Variants in GOLGA2 observed in about 807,000 individuals in gnomAD.
The protein encoded by GOLGA2 is golgin subfamily A member 2.
GOLGA2 carries 49 observed loss-of-function variants against 148.8 expected under a neutral mutation model. The ratio of observed to expected loss-of-function variants is 0.33; its 90% CI spans 0.26 to 0.42. GOLGA2 has a LOEUF of 0.42. Among genes scored for constraint, GOLGA2 ranks in the 10% least tolerant of loss-of-function variants. The probability of loss-of-function intolerance (pLI) is 1.00; values close to 1 mark genes in which losing one functional copy is unlikely to be tolerated. For missense variants in GOLGA2, 1,178 were observed against 1,304.6 expected, an observed-to-expected ratio of 0.90 and a Z score of 1.49; for synonymous variants, 501 against 511.8, an observed-to-expected ratio of 0.98 and a Z score of 0.28.
Position 128,261,938 on chromosome 9 carries a change from T to G in GOLGA2, c.1135-181A>C. 1.7e-6 allele frequency: 1 copy of G among 582,678 alleles called. No individual in the cohort carries two copies. Among genetic ancestry groups the G allele is most frequent in the South Asian group, 2.1e-5 (1 of 48,062 alleles). 36.1% of individuals were successfully genotyped at this position (582,678 alleles called of 1,614,324 possible). The stretch of plus-strand genomic sequence containing the variant: ...AAGATCTCAGGCCAGGCATGGTGGC[T>G]GATGCCTGTAATCTCAACACTTTGG... On this transcript the variant is annotated intron_variant, in intron 14 of 26. Transcript: ENST00000611957. The surrounding 1 kb of genome is among the most constrained non-coding windows in gnomAD (Gnocchi z 5.7).
Position 128,261,354 on chromosome 9 carries a change from C to T in GOLGA2, c.1333-95G>A, listed in dbSNP as rs1830262679. On this transcript the variant is annotated intron_variant, in intron 16 of 26. Transcript: ENST00000611957. The surrounding 1 kb of genome is among the most constrained non-coding windows in gnomAD (Gnocchi z 5.7). ...GCCCCCACCGCCACAAAGCCCAGAC[C>T]CATGACCACCTCTGGCTGTGCTCCT... The T allele has an allele frequency of 8.2e-7, 1 of 1,223,108 alleles. No individual in the cohort carries two copies. The highest frequency in any genetic ancestry group is 1.2e-5 in the South Asian group (1 of 83,180). The allele number at this position is 1,223,108 out of a possible 1,614,324, so 75.8% of individuals were successfully genotyped here.
intron 4 of GOLGA2, 82 bp downstream of exon 4, chr9:128,268,338 G>T: frequency 9.5e-7 from 1 of 1,050,596 alleles, no homozygotes; most frequent in Non-Finnish European, 1.5e-6. Flanking sequence ...CTTGACCCTA[G>T]GGAACAAGCT....
rs1467957692 is a variant in GOLGA2, at chr9:128,272,819, T to C, written c.254A>G (p.Asn85Ser). 6.2e-6 allele frequency: 8 copies of C among 1,281,534 alleles called. No individual in the cohort carries two copies. The highest frequency in any genetic ancestry group is 3.7e-5 in the South Asian group (3 of 80,616). 79.4% of individuals were successfully genotyped at this position (1,281,534 alleles called of 1,614,324 possible). A position where few individuals can be genotyped will look rare whatever the true frequency, so the allele number is the denominator to read the frequency against. ...GTCCAATGGGGGGAGCGCTACCCCA[T>C]TGGAACGGTTAAGGTCGGACACCAG... The part of the protein sequence containing the change: ...KVLVSDLNRS[N>S]GVALPPLDKW... The change falls in exon 3 of 27, where the codon AAT (asparagine) becomes AGT (serine). Residue 85 changes from asparagine (N) to serine (S), a missense_variant. By Grantham distance (46) the Asn-to-Ser change is conservative. This residue lies in a region of GOLGA2 where 158 missense variants were observed against 156.6 expected (regional missense o/e 1.01). Coordinates refer to ENST00000611957, the MANE Select transcript of GOLGA2 (RefSeq NM_001366244.2).
In GOLGA2 at chr9:128,268,411, G is replaced by A. The variant is rs1830730926; in HGVS notation, c.393+9C>T. On this transcript the variant is annotated intron_variant, in intron 4 of 26. Coordinates refer to ENST00000611957, the MANE Select transcript of GOLGA2 (RefSeq NM_001366244.2). ...GAGGGCAGTGGGCAGAGGGGGAGGA[G>A]GCACGAACCTGAGATGCCGCCATGC... 1.3e-6 allele frequency: 2 copies of A among 1,493,090 alleles called. No individual in the cohort carries two copies. Among genetic ancestry groups the A allele is most frequent in the Admixed American group, 3.3e-5 (2 of 59,842 alleles). The allele number at this position is 1,493,090 out of a possible 1,614,324, so 92.5% of individuals were successfully genotyped here.
chr9:128,257,286 GGA>G lies in GOLGA2; in HGVS notation c.2876-7_2876-6del. The G allele has an allele frequency of 3.1e-6, 5 of 1,612,698 alleles. No homozygotes were observed. Among genetic ancestry groups the G allele is most frequent in the East Asian group, 2.2e-5 (1 of 44,866 alleles). On this transcript the variant is annotated splice_polypyrimidine_tract_variant and splice_region_variant and intron_variant, in intron 26 of 26. Transcript: ENST00000611957. This position sits in a 1 kb window ranked among gnomAD's most constrained non-coding sequence, Gnocchi z 8.0. ...CGAGGCTCACCTCGCAAAGATCTTTGGAGAGAGAGAGGCAGGGCTCTGAGTGC... is the reference window on the plus strand; with the variant it reads ...CGAGGCTCACCTCGCAAAGATCTTTGGAGAGAGAGGCAGGGCTCTGAGTGC...
chr9:128,258,053 G>A lies in GOLGA2; in HGVS notation c.2435C>T (p.Ala812Val), dbSNP rs1309968163. 1.2e-6 allele frequency: 2 copies of A among 1,611,464 alleles called. No individual in the cohort carries two copies. The highest frequency in any genetic ancestry group is 1.7e-6 in the Non-Finnish European group (2 of 1,179,692). Residue 812 changes from alanine to valine, a missense_variant, in exon 23 of 27, where the codon GCC becomes GTC. Physicochemically the swap from Ala to Val is moderately conservative, Grantham distance 64. This residue lies in a region of GOLGA2 where 529 missense variants were observed against 521.8 expected (regional missense o/e 1.01). Coordinates refer to ENST00000611957, the MANE Select transcript of GOLGA2 (RefSeq NM_001366244.2). The surrounding 1 kb of genome is among the most constrained non-coding windows in gnomAD (Gnocchi z 6.6). ...AQKEPEAAAP[A>V]PGTGGDSVCG... Reference sequence around the variant, plus strand: ...CACAGAATCACCCCCGGTCCCTGGGGCTGGGGCTGCTGCCTCAGGCTCCTT... The same window carrying A: ...CACAGAATCACCCCCGGTCCCTGGGACTGGGGCTGCTGCCTCAGGCTCCTT...
At chr9:128,275,278 T>C (rs1040609892) in intron 1 of GOLGA2, 14 of 677,360 alleles carry the variant, frequency 2.1e-5, no homozygotes, top group Non-Finnish European at 3.0e-5. Context: ...ATGAGAACAC[T>C]TAGGGGACTG....
In GOLGA2 at chr9:128,271,292, A is replaced by G. The variant is rs1830929242; in HGVS notation, c.288+1493T>C. ...GCAAGGTGAGTCACAGCACCTGGAC[A>G]GACCTGATCAACTGGAGGGTAACAG... On this transcript the variant is annotated intron_variant, in intron 3 of 26. Transcript: ENST00000611957. This position sits in a 1 kb window ranked among gnomAD's most constrained non-coding sequence, Gnocchi z 4.4. 6.6e-6 allele frequency among the ~76,000 whole-genome samples: 1 copy of G among 152,214 alleles called. No individual in the cohort carries two copies. The highest frequency in any genetic ancestry group is 2.1e-4 in the South Asian group (1 of 4,832).
At position 128,260,170 on chromosome 9, in the gene GOLGA2, A is replaced by C. The variant is rs1373334856; in HGVS notation, c.1778T>G (p.Ile593Ser). The stretch of plus-strand genomic sequence containing the variant: ...CTGCTCCGACTGCAGTGCGCTGGTG[A>C]TCTCCATGTTCTCATTAGTCTGGAC... ...FVKLTNENME[I>S]TSALQSEQHV... Residue 593 changes from isoleucine (I) to serine (S), a missense_variant, in exon 19 of 27, where the codon ATC (isoleucine) becomes AGC (serine). Around this residue, in one of 5 missense-constraint regions of GOLGA2, gnomAD observed 529 missense variants for 521.8 expected, o/e 1.01. Transcript: ENST00000611957. The surrounding 1 kb of genome is among the most constrained non-coding windows in gnomAD (Gnocchi z 4.8). 2 of 1,607,876 alleles carry C rather than the reference A, an allele frequency of 1.2e-6. No homozygotes were observed. Among genetic ancestry groups the C allele is most frequent in the South Asian group, 2.2e-5 (2 of 91,046 alleles).
Position 128,257,776 on chromosome 9 carries a change from G to T in GOLGA2, c.2611+14C>A. On this transcript the variant is annotated intron_variant, in intron 24 of 26. Transcript: ENST00000611957. The surrounding 1 kb of genome is among the most constrained non-coding windows in gnomAD (Gnocchi z 8.0). ...TGTGCAGCTCCTCCTGCCGTGCCCT[G>T]GCCTCCCACTCACCAATGGTGTCTG... 1.9e-6 allele frequency: 3 copies of T among 1,611,748 alleles called. No homozygotes were observed. The highest frequency in any genetic ancestry group is 2.5e-6 in the Non-Finnish European group (3 of 1,177,832).
rs570276651 is a variant in GOLGA2 at position 128,266,394 on chromosome 9, G to A, written c.643-69C>T. ...CAACTCTATTCCCCAGACCAGGAACGGGTAGGCAGGGGCCAGGAATGGATT... is the reference window on the plus strand; with the variant it reads ...CAACTCTATTCCCCAGACCAGGAACAGGTAGGCAGGGGCCAGGAATGGATT... On this transcript the variant is annotated intron_variant, in intron 8 of 26. Coordinates refer to ENST00000611957, the MANE Select transcript of GOLGA2 (RefSeq NM_001366244.2). This position sits in a 1 kb window ranked among gnomAD's most constrained non-coding sequence, Gnocchi z 4.2. 1.5e-5 allele frequency: 20 copies of A among 1,334,098 alleles called. No homozygotes were observed. In the South Asian group the frequency reaches 1.6e-4, roughly 11 times the overall value. The allele number at this position is 1,334,098 out of a possible 1,614,324, so 82.6% of individuals were successfully genotyped here. A position where few individuals can be genotyped will look rare whatever the true frequency, so the allele number is the denominator to read the frequency against.
In GOLGA2 at chr9:128,257,539, T is replaced by G. The variant is rs773755368; in HGVS notation, c.2719-14A>C. 17 of 1,613,834 alleles carry G rather than the reference T, an allele frequency of 1.1e-5. No homozygotes were observed. Among genetic ancestry groups the G allele is most frequent in the Non-Finnish European group, 1.1e-5 (13 of 1,179,958 alleles). On this transcript the variant is annotated splice_polypyrimidine_tract_variant and intron_variant, in intron 25 of 26. Transcript: ENST00000611957. The surrounding 1 kb of genome is among the most constrained non-coding windows in gnomAD (Gnocchi z 8.0). Reference sequence around the variant, plus strand: ...CAGCAGCTTCACCTGGAGGGAGGGGTGCTAAGCTGCCATGCCCATGCCCGT... The same window carrying G: ...CAGCAGCTTCACCTGGAGGGAGGGGGGCTAAGCTGCCATGCCCATGCCCGT...
chr9:128,261,628 G>A lies in GOLGA2; in HGVS notation c.1224+40C>T. 1.3e-6 allele frequency: 2 copies of A among 1,527,330 alleles called. No individual in the cohort carries two copies. The highest frequency in any genetic ancestry group is 1.8e-6 in the Non-Finnish European group (2 of 1,100,802). The allele number at this position is 1,527,330 out of a possible 1,614,324, so 94.6% of individuals were successfully genotyped here. ...TTGTCACCTACTCCTGGCCACCTGG[G>A]GTCATCTTCCTTCTACATCCCTCCC... On this transcript the variant is annotated intron_variant, in intron 15 of 26. Transcript: ENST00000611957. This position sits in a 1 kb window ranked among gnomAD's most constrained non-coding sequence, Gnocchi z 5.7.
chr9:128,273,257 G>A (rs1831069260), intron 2 of GOLGA2, among the ~76,000 whole-genome samples: 1 of 152,188 alleles, frequency 6.6e-6, no homozygotes, highest in Admixed American at 6.5e-5. Flanking sequence ...GGGGGCTCCA[G>A]CTAAAAAACA....
At chr9:128,272,097 T>C (rs4837260) in intron 3 of GOLGA2, among the ~76,000 whole-genome samples, 14,345 of 149,174 alleles carry the variant, frequency 0.096, 898 homozygotes, top group East Asian at 0.27. Context: ...GCCTTTAGGG[T>C]AAAACCTAAA....
At position 128,268,481 on chromosome 9, in the gene GOLGA2, G is replaced by C. The variant is rs754706092; in HGVS notation, c.332C>G (p.Thr111Ser). The C allele has an allele frequency of 6.2e-7, 1 of 1,612,306 alleles. No individual in the cohort carries two copies. Among genetic ancestry groups the C allele is most frequent in the Non-Finnish European group, 8.5e-7 (1 of 1,179,008 alleles). Residue 111 changes from threonine to serine, a missense_variant, in exon 4 of 27, where the codon ACC becomes AGC. Physicochemically the swap from Thr to Ser is moderately conservative, Grantham distance 58. Coordinates refer to ENST00000611957, the MANE Select transcript of GOLGA2 (RefSeq NM_001366244.2). ...NAATLQPSDD[T>S]VLPGGVPSPG... is the part of the protein sequence containing the mutation. ...GGAAGGGACACCGCCAGGTAACACG[G>C]TGTCATCAGATGGTTGTAGAGTAGC...
chr9:128,275,353 C>A, intron 1 of GOLGA2: 1 of 1,236,524 alleles, frequency 8.1e-7, no homozygotes, highest in Non-Finnish European at 1.0e-6. Flanking sequence ...TGTGACGTCA[C>A]TACATTCCAC....
intron 1 of GOLGA2, chr9:128,275,446 GGAGACCC>G (rs1831264919): frequency 7.7e-7 from 1 of 1,302,252 alleles, no homozygotes; most frequent in Non-Finnish European, 9.8e-7. Flanking sequence ...CCAGGTCCTT[GGAGACCC>G]GAGACCAAAG....
Position 128,266,602 on chromosome 9 carries a change from C to T in GOLGA2, c.643-277G>A, listed in dbSNP as rs187786103. 1.3e-4 allele frequency: 69 copies of T among 544,358 alleles called. No homozygotes were observed. In the Middle Eastern group the frequency reaches 2.9e-3, roughly 23 times the overall value. 33.7% of individuals were successfully genotyped at this position (544,358 alleles called of 1,614,324 possible). ...TCTAGAGATGGAGTGTGAGAAAAGC[C>T]CACCCTCTGCCAGTTTGTGATTTAG... On this transcript the variant is annotated intron_variant, in intron 8 of 26. Coordinates refer to ENST00000611957, the MANE Select transcript of GOLGA2 (RefSeq NM_001366244.2). This position sits in a 1 kb window ranked among gnomAD's most constrained non-coding sequence, Gnocchi z 4.2.
Sources: allele counts gnomAD v4.1 joint callset (sites outside exome capture counted in the v4.1 genomes callset), GRCh38; gene constraint gnomAD v4.1.1; regional missense constraint gnomAD v4.1.1; non-coding constraint Gnocchi (gnomAD v3.1); transcripts MANE v1.5; gene names NCBI Gene and HGNC (gene_info 2026-07-23, HGNC 2026-07-21).